The following OGT variants were observed in gnomAD, a reference collection of about 807,000 sequenced individuals.
OGT encodes the protein UDP-N-acetylglucosamine--peptide N-acetylglucosaminyltransferase 110 kDa subunit.
A neutral mutation model predicts 75.8 loss-of-function variants in OGT; 3 were observed. The ratio of observed to expected loss-of-function variants is 0.04; its 90% CI spans 0.02 to 0.10. The LOEUF (loss-of-function observed/expected upper bound fraction) is 0.10. Among genes scored for constraint, OGT ranks in the 10% least tolerant of loss-of-function variants. The pLI, the probability that OGT is intolerant of heterozygous loss-of-function variation, is 1.00. For synonymous variants in OGT, 257 were observed against 289.7 expected (o/e 0.89, Z 1.15); for missense variants, 260 against 824.4 (o/e 0.32, Z 8.38).
chrX:71,573,616 C>G lies in OGT; in HGVS notation c.2967-4C>G. 3 of 1,179,168 alleles carry G rather than the reference C, an allele frequency of 2.5e-6. No individual in the cohort carries two copies. Among genetic ancestry groups the G allele is most frequent in the Middle Eastern group, 2.4e-4 (1 of 4,204 alleles). On this transcript the variant is annotated splice_region_variant and splice_polypyrimidine_tract_variant and intron_variant, in intron 21 of 21. Transcript: ENST00000373719. ...AAACTGGGTTCTTGTTTTTTATTAC[C>G]CAGCCTGAAGAAAGTTCGTGGCAAA...
At chrX:71,560,901 A>G (rs1000493199) in intron 14 of OGT, among the ~76,000 whole-genome samples, 1 of 109,468 alleles carries the variant, frequency 9.1e-6, no homozygotes, top group Non-Finnish European at 1.9e-5. Flanking sequence ...CATCTTGTAT[A>G]CCCTATACTA....
intron 4 of OGT, chrX:71,546,022 G>C (rs2040257403): frequency 4.0e-6 from 1 of 249,188 alleles, no homozygotes; most frequent in African/African-American, 3.0e-5. Flanking sequence ...AAATACTCTT[G>C]AGTGAAATGC....
intron 20 of OGT, 66 bp downstream of exon 20, chrX:71,567,818 C>T: frequency 8.9e-7 from 1 of 1,119,086 alleles, no homozygotes; most frequent in Non-Finnish European, 1.2e-6. Flanking sequence ...GGGGGAGAAA[C>T]TTCCAGGTGA....
At chrX:71,566,894 T>G (rs1218236684) in intron 19 of OGT, among the ~76,000 whole-genome samples, 2 of 112,822 alleles carry the variant, frequency 1.8e-5, no homozygotes, top group African/African-American at 6.4e-5. Context: ...ACTTACATGG[T>G]ACATAGAGTA....
intron 5 of OGT, among the ~76,000 whole-genome samples, chrX:71,551,566 A>C (rs1358198712): frequency 8.9e-6 from 1 of 112,326 alleles, no homozygotes; most frequent in African/African-American, 3.2e-5. Flanking sequence ...TGGGAGGTGG[A>C]GGTTGCAGTG....
chrX:71,548,864 T>C (rs778647859), intron 5 of OGT, among the ~76,000 whole-genome samples: 46 of 111,484 alleles, frequency 4.1e-4, no homozygotes, highest in African/African-American at 1.4e-3. Flanking sequence ...TGACACAATT[T>C]ACCCATTTAA....
chrX:71,564,846 C>T, intron 19 of OGT, 93 bp downstream of exon 19: 1 of 732,767 alleles, frequency 1.4e-6, no homozygotes, highest in East Asian at 3.5e-5. Context: ...AGGAGCTGTT[C>T]TGCTCATTTC....
chrX:71,552,978 T>C (rs191066336), intron 5 of OGT, among the ~76,000 whole-genome samples: 2 of 112,413 alleles, frequency 1.8e-5, no homozygotes, highest in African/African-American at 6.4e-5. Flanking sequence ...TAAACATTTC[T>C]ATTATAAAGT....
chrX:71,558,177 C>G, intron 12 of OGT, among the ~76,000 whole-genome samples: 2 of 110,271 alleles, frequency 1.8e-5, no homozygotes, highest in Middle Eastern at 4.6e-3. Flanking sequence ...TCTTGAACCT[C>G]TGGGCTCAAG....
Position 71,568,061 on chromosome X carries a change from A to G in OGT, c.2911A>G (p.Lys971Glu). Reference protein sequence around the residue: ...TCLGCLELIAKNRQEYEDIAV... With the variant: ...TCLGCLELIAENRQEYEDIAV... Reference sequence around the variant, plus strand: ...CTTAGGTTGTCTTGAGCTTATTGCTAAAAACAGACAAGAATATGAAGACAT... The same window carrying G: ...CTTAGGTTGTCTTGAGCTTATTGCTGAAAACAGACAAGAATATGAAGACAT... Residue 971 changes from lysine (K) to glutamate (E), a missense_variant, in exon 21 of 22, where the codon AAA becomes GAA. Physicochemically the swap from Lys to Glu is moderately conservative, Grantham distance 56 (BLOSUM62 1). Transcript: ENST00000373719. The G allele has an allele frequency of 8.3e-7, 1 of 1,208,828 alleles. No individual in the cohort carries two copies. The highest frequency in any genetic ancestry group is 1.1e-6 in the Non-Finnish European group (1 of 893,121).
chrX:71,545,606 G>A (rs1040790287), intron 4 of OGT: 3 of 112,353 alleles, frequency 2.7e-5, no homozygotes, highest in African/African-American at 9.7e-5. Context: ...GAGTGTATGC[G>A]CAGAGTAGCT....
chrX:71,573,168 G>C (rs2040469856), intron 21 of OGT, among the ~76,000 whole-genome samples: 1 of 112,166 alleles, frequency 8.9e-6, no homozygotes. Flanking sequence ...GCATGGTCCT[G>C]TATGTTTTTG....
At chrX:71,534,451 A>G (rs1411378056) in intron 1 of OGT, 1 of 110,627 alleles carries the variant, frequency 9.0e-6, no homozygotes, top group Non-Finnish European at 1.9e-5. Flanking sequence ...TTTGGGCGGA[A>G]GGGGGTGGGG....
chrX:71,565,812 T>G (rs2040412925), intron 19 of OGT, among the ~76,000 whole-genome samples: 1 of 112,500 alleles, frequency 8.9e-6, no homozygotes, highest in Admixed American at 9.4e-5. Flanking sequence ...AAAATTTTAT[T>G]TATACGAACT....
At position 71,533,355 on chromosome X, in the gene OGT, A is replaced by G. The variant is rs775901887; in HGVS notation, c.37+19A>G. 13 of 1,182,973 alleles carry G rather than the reference A, an allele frequency of 1.1e-5. No homozygotes were observed. The highest frequency in any genetic ancestry group is 1.4e-5 in the Non-Finnish European group (12 of 879,200). On this transcript the variant is annotated intron_variant, in intron 1 of 21. Transcript: ENST00000373719. ...AGCACAGGTACCGGTGTCCCGTTCT[A>G]CCTTGGCAGATGCCCCCTTGGGGTC...
intron 19 of OGT, among the ~76,000 whole-genome samples, chrX:71,566,793 A>T (rs963630343): frequency 8.9e-6 from 1 of 112,636 alleles, no homozygotes; most frequent in African/African-American, 3.2e-5. Flanking sequence ...AATGTGATAC[A>T]TACACACACA....
intron 3 of OGT, among the ~76,000 whole-genome samples, chrX:71,543,599 G>C (rs1045957247): frequency 5.5e-5 from 6 of 109,746 alleles, no homozygotes; most frequent in African/African-American, 9.9e-5. Flanking sequence ...AAATATGCCT[G>C]ACAGCCTAAG....
At position 71,555,840 on chromosome X, in the gene OGT, T is replaced by C. The variant is rs201001567; in HGVS notation, c.925-114T>C. The C allele has an allele frequency of 3.5e-5, 25 of 705,688 alleles. No homozygotes were observed. In the East Asian group the frequency reaches 4.9e-4, roughly 14 times the overall value. 58.2% of individuals were successfully genotyped at this position (705,688 alleles called of 1,213,427 possible). On this transcript the variant is annotated intron_variant, in intron 7 of 21. Coordinates refer to ENST00000373719, the MANE Select transcript of OGT (RefSeq NM_181672.3). The stretch of plus-strand genomic sequence containing the variant: ...TTGAGGGTAAGAATACCAAAAAATA[T>C]CAATTTTCTGTAGCATTACCAGCCA...
intron 21 of OGT, among the ~76,000 whole-genome samples, chrX:71,568,617 C>T (rs2040431130): frequency 9.0e-6 from 1 of 110,866 alleles, no homozygotes; most frequent in Non-Finnish European, 1.9e-5. Flanking sequence ...CACTTGAGAT[C>T]AGGAGTTCGA....
Sources: gnomAD v4.1 joint callset for allele counts (sites outside exome capture counted in the v4.1 genomes callset) on GRCh38, gnomAD v4.1.1 for gene constraint, MANE v1.5 for transcripts, NCBI Gene and HGNC (gene_info 2026-07-23, HGNC 2026-07-21) for gene names.